EFNA2: variants seen among roughly 807,000 people sequenced by gnomAD.
EFNA2 encodes the protein ephrin-A2.
In EFNA2, 18 loss-of-function variants were observed where a neutral mutation model predicts 19.7. That is an observed-to-expected ratio of 0.91 (90% CI 0.63 to 1.35). EFNA2 has a LOEUF of 1.35. EFNA2 is among the 40% of genes most tolerant of loss of function. The pLI, the probability that EFNA2 is intolerant of heterozygous loss-of-function variation, is 0.00. For synonymous variants in EFNA2, 187 were observed against 137.8 expected (o/e 1.36, Z -2.50); for missense variants, 303 against 296.0 (o/e 1.02, Z -0.17).
At position 1,296,622 on chromosome 19, in the gene EFNA2, C is replaced by T. The variant is rs1422529654; in HGVS notation, c.454+764C>T. ...TCTGGTCGCTCCACTGCACTCCAGC[C>T]TGGGTGGCAGAGCGAGACCCTGTCT... is the stretch of plus-strand genomic sequence containing the variant. On this transcript the variant is annotated intron_variant, in intron 2 of 3. Transcript: ENST00000215368. This position sits in a 1 kb window ranked among gnomAD's most constrained non-coding sequence, Gnocchi z 4.4. Among the ~76,000 whole-genome samples the T allele has an allele frequency of 6.6e-6, 1 of 152,142 alleles. No individual in the cohort carries two copies. Among genetic ancestry groups the T allele is most frequent in the African/African-American group, 2.4e-5 (1 of 41,424 alleles).
rs1457848659 is a variant in EFNA2, at chr19:1,287,393, C to T, written c.140+1085C>T. On this transcript the variant is annotated intron_variant, in intron 1 of 3. Coordinates refer to ENST00000215368, the MANE Select transcript of EFNA2 (RefSeq NM_001405.4). This position sits in a 1 kb window ranked among gnomAD's most constrained non-coding sequence, Gnocchi z 6.2. ...GGGGCTGAGGCGGCCCCCCCCCACT[C>T]TTCTGCTACTGGTCACTTTCTCTCC... Among the ~76,000 whole-genome samples, 3 of 152,176 alleles carry T rather than the reference C, an allele frequency of 2.0e-5. No homozygotes were observed. Among genetic ancestry groups the T allele is most frequent in the East Asian group, 1.9e-4 (1 of 5,200 alleles).
chr19:1,292,098 T>C (rs1185758789), intron 1 of EFNA2, among the ~76,000 whole-genome samples: 1 of 152,370 alleles, frequency 6.6e-6, no homozygotes, highest in East Asian at 1.9e-4. Flanking sequence ...TCATCACTAA[T>C]GGAGGAAGCG....
Position 1,287,156 on chromosome 19 carries a change from CA to C in EFNA2, c.140+849del, listed in dbSNP as rs1372072952. Among the ~76,000 whole-genome samples the C allele has an allele frequency of 6.6e-6, 1 of 152,198 alleles. No individual in the cohort carries two copies. Among genetic ancestry groups the C allele is most frequent in the African/African-American group, 2.4e-5 (1 of 41,440 alleles). On this transcript the variant is annotated intron_variant, in intron 1 of 3. Transcript: ENST00000215368. This position sits in a 1 kb window ranked among gnomAD's most constrained non-coding sequence, Gnocchi z 6.2. ...GGGGACAGGAGAAGCCCCCGTTGGT[CA>C]GAGCAAAAAAAGTTTGCCGGGGCCT...
intron 1 of EFNA2, among the ~76,000 whole-genome samples, chr19:1,292,779 G>A (rs1383105186): frequency 6.6e-6 from 1 of 152,232 alleles, no homozygotes; most frequent in African/African-American, 2.4e-5. Context: ...TTTTGCAGAA[G>A]AGCGAGGCTT....
Position 1,285,898 on chromosome 19 carries a change from T to TGCG in EFNA2, c.-259_-257dup, listed in dbSNP as rs1303450938. 2.8e-5 allele frequency among the ~76,000 whole-genome samples: 4 copies of TGCG among 144,056 alleles called. No individual in the cohort carries two copies. Among genetic ancestry groups the TGCG allele is most frequent in the South Asian group, 2.2e-4 (1 of 4,574 alleles). 94.5% of individuals were successfully genotyped at this position (144,056 alleles called of 152,430 possible). ...GGAGCCCGGGCCCCTCCCCGGCGGG[T>TGCG]GCGGCGGCGGCGGCCCGCGCTCCGA... On this transcript the variant is annotated 5_prime_UTR_variant, in exon 1 of 4. Transcript: ENST00000215368. The surrounding 1 kb of genome is among the most constrained non-coding windows in gnomAD (Gnocchi z 4.1).
chr19:1,295,939 T>G lies in EFNA2; in HGVS notation c.454+81T>G, dbSNP rs1431608330. 3.6e-4 allele frequency: 80 copies of G among 223,994 alleles called. No homozygotes were observed. The highest frequency in any genetic ancestry group is 1.5e-3 in the Middle Eastern group (1 of 670). 13.9% of individuals were successfully genotyped at this position (223,994 alleles called of 1,614,324 possible). ...GGGGCCAGGAAGTGGGCGGGACCAC[T>G]GGGGTGGGGCCGGGGAGTGGGCGGG... On this transcript the variant is annotated intron_variant, in intron 2 of 3. Transcript: ENST00000215368. The surrounding 1 kb of genome is among the most constrained non-coding windows in gnomAD (Gnocchi z 5.8).
intron 3 of EFNA2, 30 bp downstream of exon 3, chr19:1,298,646 A>G (rs778673061): frequency 4.3e-6 from 7 of 1,611,406 alleles, no homozygotes; most frequent in Non-Finnish European, 5.9e-6. Flanking sequence ...GGCAGGATCC[A>G]GGCCCCCACC....
intron 1 of EFNA2, among the ~76,000 whole-genome samples, chr19:1,291,605 G>A (rs193157347): frequency 6.6e-6 from 1 of 152,326 alleles, no homozygotes; most frequent in Admixed American, 6.5e-5. Flanking sequence ...CCCTGGAAGA[G>A]AGATGCAGAC....
intron 1 of EFNA2, among the ~76,000 whole-genome samples, chr19:1,288,608 G>A (rs2081476896): frequency 6.6e-6 from 1 of 152,092 alleles, no homozygotes; most frequent in Admixed American, 6.5e-5. Context: ...TGCAGGCCCG[G>A]GCAGTGCCGC....
Position 1,297,132 on chromosome 19 carries a change from A to G in EFNA2, c.454+1274A>G, listed in dbSNP as rs1209925414. On this transcript the variant is annotated intron_variant, in intron 2 of 3. Transcript: ENST00000215368. The surrounding 1 kb of genome is among the most constrained non-coding windows in gnomAD (Gnocchi z 5.0). ...ACTGAGGGATTCTCGTGGAGTGGGGACCCCGGCTTCTCAGCATCTCGGGGC... is the reference window on the plus strand; with the variant it reads ...ACTGAGGGATTCTCGTGGAGTGGGGGCCCCGGCTTCTCAGCATCTCGGGGC... Among the ~76,000 whole-genome samples the G allele has an allele frequency of 1.3e-5, 2 of 151,304 alleles. No individual in the cohort carries two copies. Among genetic ancestry groups the G allele is most frequent in the Non-Finnish European group, 2.9e-5 (2 of 67,872 alleles).
rs754196542 is a variant in EFNA2, at chr19:1,297,757, C to T, written c.455-794C>T. On this transcript the variant is annotated intron_variant, in intron 2 of 3. Coordinates refer to ENST00000215368, the MANE Select transcript of EFNA2 (RefSeq NM_001405.4). This position sits in a 1 kb window ranked among gnomAD's most constrained non-coding sequence, Gnocchi z 5.0. ...GGGGCGGTGATGCTGGAATTTTGGG[C>T]GTAAGAACCAGTTGGAAATAATCTT... 4.6e-4 allele frequency among the ~76,000 whole-genome samples: 70 copies of T among 152,078 alleles called. 1 individual carries two copies. The highest frequency in any genetic ancestry group is 1.0e-4 in the Non-Finnish European group (7 of 68,016).
chr19:1,298,581 C>A lies in EFNA2; in HGVS notation c.485C>A (p.Pro162His). ...SATPPNAVDR[P>H]CLRLKVYVRP... The stretch of plus-strand genomic sequence containing the variant: ...ACGCCTCCCAATGCTGTGGACCGGC[C>A]CTGCCTGCGACTGAAGGTGTACGTG... The change falls in exon 3 of 4, where the codon CCC becomes CAC. Residue 162 changes from proline to histidine, a missense_variant. Physicochemically the swap from Pro to His is moderately conservative, Grantham distance 77. Transcript: ENST00000215368. 6.2e-7 allele frequency: 1 copy of A among 1,614,062 alleles called. No individual in the cohort carries two copies. The highest frequency in any genetic ancestry group is 8.5e-7 in the Non-Finnish European group (1 of 1,180,006).
chr19:1,286,513 G>A lies in EFNA2; in HGVS notation c.140+205G>A, dbSNP rs1269311305. ...CGCCCTTTTCGCGCCTGCCTTCCCC[G>A]GGGCGCCCCATTGCCCTACGGACTG... On this transcript the variant is annotated intron_variant, in intron 1 of 3. Coordinates refer to ENST00000215368, the MANE Select transcript of EFNA2 (RefSeq NM_001405.4). This position sits in a 1 kb window ranked among gnomAD's most constrained non-coding sequence, Gnocchi z 5.6. 6.6e-6 allele frequency among the ~76,000 whole-genome samples: 1 copy of A among 151,870 alleles called. No individual in the cohort carries two copies. The highest frequency in any genetic ancestry group is 1.5e-5 in the Non-Finnish European group (1 of 67,892).
rs893981874 is a variant in EFNA2 at position 1,297,841 on chromosome 19, G to A, written c.455-710G>A. Among the ~76,000 whole-genome samples the A allele has an allele frequency of 6.6e-6, 1 of 152,102 alleles. No homozygotes were observed. The highest frequency in any genetic ancestry group is 1.5e-5 in the Non-Finnish European group (1 of 68,004). Reference sequence around the variant, plus strand: ...AATCCCAGCACTTTGGGAGGCCGAGGCGGGTGGATCACCTGAGGTCAGGAG... The same window carrying A: ...AATCCCAGCACTTTGGGAGGCCGAGACGGGTGGATCACCTGAGGTCAGGAG... On this transcript the variant is annotated intron_variant, in intron 2 of 3. Transcript: ENST00000215368. The surrounding 1 kb of genome is among the most constrained non-coding windows in gnomAD (Gnocchi z 5.0).
At chr19:1,285,762 C>T (rs1424469669), upstream of EFNA2, among the ~76,000 whole-genome samples, 1 of 145,564 alleles carries the variant, frequency 6.9e-6, no homozygotes, top group South Asian at 2.2e-4. The surrounding 1 kb of genome is among the most constrained non-coding windows in gnomAD (Gnocchi z 4.1). Context: ...CGGGGTGGGC[C>T]GGGGCAGGGG....
At chr19:1,291,087 G>A (rs1412390099) in intron 1 of EFNA2, among the ~76,000 whole-genome samples, 2 of 152,196 alleles carry the variant, frequency 1.3e-5, no homozygotes, top group Admixed American at 6.5e-5. Context: ...AAGGCCACCC[G>A]GAAGTTGGGC....
chr19:1,298,537 C>G lies in EFNA2; in HGVS notation c.455-14C>G, dbSNP rs372956924. On this transcript the variant is annotated splice_polypyrimidine_tract_variant and intron_variant, in intron 2 of 3. Transcript: ENST00000215368. ...GAGGCACTTCCCCACTCATCCCCAT[C>G]CCCTCTCTTCTAGCTGCCACGCCTC... 22 of 1,613,622 alleles carry G rather than the reference C, an allele frequency of 1.4e-5. No homozygotes were observed. The African/African-American group carries it at 2.3e-4, about 17-fold the overall frequency.
intron 1 of EFNA2, among the ~76,000 whole-genome samples, chr19:1,292,911 G>A (rs1471390030): frequency 1.3e-5 from 2 of 152,192 alleles, no homozygotes; most frequent in Admixed American, 6.5e-5. Context: ...AGAACAGGAG[G>A]AGAGAACACA....
chr19:1,295,867 G>A lies in EFNA2; in HGVS notation c.454+9G>A, dbSNP rs1458508651. The A allele has an allele frequency of 1.3e-6, 2 of 1,574,330 alleles. No individual in the cohort carries two copies. The highest frequency in any genetic ancestry group is 2.4e-5 in the East Asian group (1 of 42,126). The stretch of plus-strand genomic sequence containing the variant: ...CGAGTATTACTACATCTGTGAGTGG[G>A]GTCGGGCCGGGGCTGCCGGGGCCCG... On this transcript the variant is annotated intron_variant, in intron 2 of 3. Transcript: ENST00000215368. This position sits in a 1 kb window ranked among gnomAD's most constrained non-coding sequence, Gnocchi z 5.8.
Sources: gnomAD v4.1 joint callset for allele counts (sites outside exome capture counted in the v4.1 genomes callset) on GRCh38, gnomAD v4.1.1 for gene constraint, Gnocchi (gnomAD v3.1) non-coding constraint, MANE v1.5 for transcripts, NCBI Gene and HGNC (gene_info 2026-07-23, HGNC 2026-07-21) for gene names.